Variants in CFAP43 observed in about 807,000 individuals in gnomAD.
The protein encoded by CFAP43 is cilia and flagella associated protein 43, also known as cilia- and flagella-associated protein 43.
In CFAP43, 155 loss-of-function variants were observed where a neutral mutation model predicts 218.9. That is an observed-to-expected ratio of 0.71 (90% CI 0.62 to 0.81). The LOEUF is 0.81. CFAP43 is among the 30% of genes least tolerant of loss of function. The pLI is 0.00. For missense variants in CFAP43, 1,778 were observed against 1,954.3 expected (o/e 0.91, Z 1.70); for synonymous variants, 645 against 681.3 (o/e 0.95, Z 0.83).
intron 3 of CFAP43, among the ~76,000 whole-genome samples, chr10:104,216,537 G>GA (rs892508106): frequency 3.3e-5 from 5 of 152,132 alleles, no homozygotes; most frequent in African/African-American, 1.2e-4. Flanking sequence ...GGGGCTCCTG[G>GA]GGACAATCAC....
At chr10:104,199,892 C>G (rs1200265967) in intron 8 of CFAP43, among the ~76,000 whole-genome samples, 1 of 152,014 alleles carries the variant, frequency 6.6e-6, no homozygotes, top group Non-Finnish European at 1.5e-5. Flanking sequence ...TGAAGCATGA[C>G]AAGATAACGA....
rs1245179044 is a variant in CFAP43 at position 104,202,840 on chromosome 10, C to T, written c.1095+832G>A. 6.1e-5 allele frequency among the ~76,000 whole-genome samples: 9 copies of T among 148,032 alleles called. No individual in the cohort carries two copies. In the East Asian group the frequency reaches 1.6e-3, roughly 26 times the overall value. On this transcript the variant is annotated intron_variant, in intron 8 of 37. Coordinates refer to ENST00000357060, the MANE Select transcript of CFAP43 (RefSeq NM_025145.7). ...ATAGTTTTTTTTTTTTTAAAAAAAA[C>T]TTCTGGTAATTATCAGAAACAAAAG... is the stretch of plus-strand genomic sequence containing the variant.
At chr10:104,184,461 T>A (rs551489552) in intron 16 of CFAP43, among the ~76,000 whole-genome samples, 2 of 133,300 alleles carry the variant, frequency 1.5e-5, no homozygotes, top group Admixed American at 1.4e-4. Context: ...ATTAACTATG[T>A]CTTTTTTTTT....
At chr10:104,193,780 T>C in intron 11 of CFAP43, 86 bp downstream of exon 11, 1 of 1,477,038 alleles carries the variant, frequency 6.8e-7, no homozygotes, top group Non-Finnish European at 9.0e-7. Context: ...ACGTAAAACT[T>C]AAAATTAAAA....
At chr10:104,171,786 G>T (rs2089423751) in intron 20 of CFAP43, among the ~76,000 whole-genome samples, 1 of 152,184 alleles carries the variant, frequency 6.6e-6, no homozygotes, top group South Asian at 2.1e-4. Context: ...ATGAATGGAG[G>T]TTTCAGTTTA....
chr10:104,160,035 T>C (rs183548457), intron 27 of CFAP43, among the ~76,000 whole-genome samples: 12 of 152,314 alleles, frequency 7.9e-5, no homozygotes, highest in African/African-American at 2.9e-4. Context: ...ATAGTTTTTC[T>C]TTAGCCACTT....
chr10:104,142,158 C>A, intron 33 of CFAP43, 123 bp downstream of exon 33: 1 of 661,006 alleles, frequency 1.5e-6, no homozygotes, highest in Non-Finnish European at 2.4e-6. Flanking sequence ...AATTTTAAAG[C>A]ACAGTGCTGG....
chr10:104,212,468 GA>G (rs2090894042), intron 4 of CFAP43, among the ~76,000 whole-genome samples: 1 of 152,170 alleles, frequency 6.6e-6, no homozygotes, highest in African/African-American at 2.4e-5. Flanking sequence ...TGGAAAATGG[GA>G]AAATATTTGT....
intron 10 of CFAP43, among the ~76,000 whole-genome samples, chr10:104,196,042 GAAGA>G (rs2090372266): frequency 6.6e-6 from 1 of 152,218 alleles, no homozygotes; most frequent in Non-Finnish European, 1.5e-5. Context: ...CTTCTGGAAA[GAAGA>G]AGCATCTTTG....
chr10:104,145,522 C>A lies in CFAP43; in HGVS notation c.3898G>T (p.Gly1300Cys). The change falls in exon 31 of 38, where the codon GGT (glycine) becomes TGT (cysteine). Residue 1300 changes from glycine (G) to cysteine (C), a missense_variant. By Grantham distance (159) the Gly-to-Cys change is radical. Transcript: ENST00000357060. ...TTGTAGAGTATATCCACTTGATGACCAGGAATTTCAGAAAATTCCTTTTTA... is the reference window on the plus strand; with the variant it reads ...TTGTAGAGTATATCCACTTGATGACAAGGAATTTCAGAAAATTCCTTTTTA... ...SFKKEFSEIP[G>C]HQVDILYKLF... 1.2e-6 allele frequency: 2 copies of A among 1,602,722 alleles called. No homozygotes were observed. Among genetic ancestry groups the A allele is most frequent in the South Asian group, 1.1e-5 (1 of 89,854 alleles).
rs1336925344 is a variant in CFAP43, at chr10:104,166,551, T to TA, written c.2975dup (p.Leu992PhefsTer34). The TA allele has an allele frequency of 6.2e-7, 1 of 1,614,004 alleles. No individual in the cohort carries two copies. Among genetic ancestry groups the TA allele is most frequent in the African/African-American group, 1.3e-5 (1 of 74,920 alleles). ...AATGAAGCTCCAATTGGCTTGACAA[T>TA]AAAGAGGTATCTACCCCAAAATCAG... On this transcript the variant is annotated frameshift_variant, in exon 23 of 38. Coordinates refer to ENST00000357060, the MANE Select transcript of CFAP43 (RefSeq NM_025145.7). LOFTEE classifies it high-confidence loss of function.
chr10:104,229,027 G>A (rs74154758), intron 2 of CFAP43, among the ~76,000 whole-genome samples: 61 of 152,122 alleles, frequency 4.0e-4, no homozygotes, highest in African/African-American at 1.4e-3. Context: ...ACTTTCAATT[G>A]GTTCAAACAG....
At chr10:104,216,997 T>A (rs2091029577) in intron 3 of CFAP43, among the ~76,000 whole-genome samples, 1 of 152,234 alleles carries the variant, frequency 6.6e-6, no homozygotes, top group Middle Eastern at 3.2e-3. Flanking sequence ...CCCTAGGCTC[T>A]TCTTGAGGTG....
chr10:104,188,461 T>C, intron 12 of CFAP43, 51 bp from the exon 13 acceptor site: 1 of 1,592,744 alleles, frequency 6.3e-7, no homozygotes, highest in South Asian at 1.1e-5. Context: ...TAAGTTTAAA[T>C]GATCTTTTAC....
chr10:104,232,075 T>C, intron 1 of CFAP43, 107 bp downstream of exon 1: 2 of 1,326,152 alleles, frequency 1.5e-6, no homozygotes, highest in Non-Finnish European at 2.1e-6. Flanking sequence ...AGGTCGAAGC[T>C]GCGGGGAAAG....
intron 3 of CFAP43, among the ~76,000 whole-genome samples, chr10:104,216,484 C>G (rs941222036): frequency 1.3e-5 from 2 of 152,220 alleles, no homozygotes; most frequent in Non-Finnish European, 2.9e-5. Context: ...TGCCTCGCCT[C>G]ACACCCACTT....
In CFAP43 at chr10:104,207,761, A is replaced by AGTCACTT. The variant is rs779799891; in HGVS notation, c.792_798dup (p.Leu267LysfsTer2). 1 of 1,614,208 alleles carries AGTCACTT rather than the reference A, an allele frequency of 6.2e-7. No homozygotes were observed. The highest frequency in any genetic ancestry group is 8.5e-7 in the Non-Finnish European group (1 of 1,180,026). On this transcript the variant is annotated stop_gained and frameshift_variant, in exon 6 of 38. Coordinates refer to ENST00000357060, the MANE Select transcript of CFAP43 (RefSeq NM_025145.7). LOFTEE classifies it high-confidence loss of function. ...TGACCCTCTTCACAGCCAATGTACA[A>AGTCACTT]GTCACTTGTTGGAGTCCAGCAATGC...
chr10:104,200,687 AAAAAAAAAAG>A (rs1258556002), intron 8 of CFAP43, among the ~76,000 whole-genome samples: 1 of 150,790 alleles, frequency 6.6e-6, no homozygotes, highest in Admixed American at 6.6e-5. Context: ...AAAAAAAAAA[AAAAAAAAAAG>A]ACCCAAAGGA....
intron 15 of CFAP43, among the ~76,000 whole-genome samples, chr10:104,185,757 G>T (rs1348980631): frequency 6.6e-6 from 1 of 152,084 alleles, no homozygotes; most frequent in Non-Finnish European, 1.5e-5. Context: ...ACATTCAAAT[G>T]GTTCAAAATT....
Sources: allele counts gnomAD v4.1 joint callset (sites outside exome capture counted in the v4.1 genomes callset), GRCh38; gene constraint gnomAD v4.1.1; transcripts MANE v1.5; gene names NCBI Gene and HGNC (gene_info 2026-07-23, HGNC 2026-07-21).